Variants in PRTG observed in about 807,000 individuals in gnomAD.
PRTG encodes immunoglobulin superfamily, DCC subclass, member 5.
In PRTG, 67 loss-of-function variants were observed where a neutral mutation model predicts 122.5. The ratio of observed to expected loss-of-function variants is 0.55; its 90% confidence interval spans 0.45 to 0.67. The LOEUF (loss-of-function observed/expected upper bound fraction) is 0.67, where lower values mean the gene tolerates loss of function less well. Among genes scored for constraint, PRTG ranks in the 30% least tolerant of loss-of-function variants. The pLI is 0.00. For missense variants in PRTG, 1,435 were observed against 1,415.4 expected, an observed-to-expected ratio of 1.01 and a Z score of -0.22; for synonymous variants, 554 against 501.1, an observed-to-expected ratio of 1.11 and a Z score of -1.41.
At position 55,620,742 on chromosome 15, in the gene PRTG, C is replaced by T. The variant is rs1178234571; in HGVS notation, c.3119G>A (p.Ser1040Asn). The change falls in exon 19 of 20, where the codon AGC becomes AAC. Residue 1040 changes from serine (S) to asparagine (N), a missense_variant. By Grantham distance (46) the Ser-to-Asn change is conservative. Transcript: ENST00000389286. ...AKGGTDLIINSYGPIIKNNSK... is the reference protein window; with the variant it reads ...AKGGTDLIINNYGPIIKNNSK... ...GTTGTTTTTAATTATAGGACCATAG[C>T]TATTAATTATCAGGTCAGTTCCTCC... The T allele has an allele frequency of 1.9e-6, 3 of 1,597,276 alleles. No homozygotes were observed. The South Asian group carries it at 3.5e-5, about 18-fold the overall frequency.
chr15:55,641,463 T>C (rs1433584014), intron 11 of PRTG, among the ~76,000 whole-genome samples: 2 of 152,230 alleles, frequency 1.3e-5, no homozygotes, highest in African/African-American at 2.4e-5. Context: ...CCACTTCTTC[T>C]CCTTTCTCTC....
In PRTG at chr15:55,677,937, A is replaced by T. The variant is rs753848119; in HGVS notation, c.1241T>A (p.Met414Lys). The T allele has an allele frequency of 3.1e-6, 5 of 1,613,710 alleles. No homozygotes were observed. Among genetic ancestry groups the T allele is most frequent in the Non-Finnish European group, 4.2e-6 (5 of 1,179,786 alleles). Reference sequence around the variant, plus strand: ...GGGAGCACTGGGTCTGTCTTCTGACATCACTACAGTCAGTCTGGCTCTAGA... The same window carrying T: ...GGGAGCACTGGGTCTGTCTTCTGACTTCACTACAGTCAGTCTGGCTCTAGA... ...ILSRARLTVV[M>K]SEDRPSAPYN... Residue 414 changes from methionine (M) to lysine (K), a missense_variant, in exon 8 of 20, where the codon ATG (methionine) becomes AAG (lysine). By Grantham distance (95) the Met-to-Lys change is moderately conservative (BLOSUM62 -1). Coordinates refer to ENST00000389286, the MANE Select transcript of PRTG (RefSeq NM_173814.6).
intron 2 of PRTG, among the ~76,000 whole-genome samples, chr15:55,728,299 G>A (rs563842210): frequency 3.3e-5 from 5 of 152,216 alleles, no homozygotes; most frequent in Admixed American, 6.5e-5. Flanking sequence ...CACTATCAAA[G>A]CCAGACAGAT....
intron 11 of PRTG, among the ~76,000 whole-genome samples, chr15:55,651,113 C>T (rs2059350957): frequency 6.6e-6 from 1 of 152,156 alleles, no homozygotes; most frequent in Admixed American, 6.5e-5. Context: ...CCCTATATCA[C>T]TAATGTTTGA....
chr15:55,688,861 A>G (rs1355850796), intron 2 of PRTG, among the ~76,000 whole-genome samples: 1 of 151,856 alleles, frequency 6.6e-6, no homozygotes, highest in African/African-American at 2.4e-5. Context: ...AAACAAAGGC[A>G]CTCCAAAGTC....
rs745486454 is a variant in PRTG, at chr15:55,626,990, C to T, written c.2927+18G>A. The T allele has an allele frequency of 1.1e-5, 18 of 1,591,606 alleles. No homozygotes were observed. In the African/African-American group the frequency reaches 2.0e-4, roughly 18 times the overall value. ...TTAAATGTTTTTCACCTCAACATCT[C>T]TAGCAATGGAAACACACCTGGCTTT... On this transcript the variant is annotated intron_variant, in intron 17 of 19. Transcript: ENST00000389286.
At chr15:55,679,006 G>A (rs1367087571) in intron 7 of PRTG, among the ~76,000 whole-genome samples, 1 of 152,088 alleles carries the variant, frequency 6.6e-6, no homozygotes, top group Non-Finnish European at 1.5e-5. Flanking sequence ...CTCTAGTGGT[G>A]GCTTAATAGC....
intron 17 of PRTG, 97 bp from the exon 18 acceptor site, chr15:55,624,604 G>C (rs913293671): frequency 1.2e-6 from 1 of 860,892 alleles, no homozygotes; most frequent in South Asian, 2.2e-5. Context: ...AAGCAATGCA[G>C]TTCTTTAATA....
chr15:55,737,979 T>TCC (rs1359750459), intron 2 of PRTG, among the ~76,000 whole-genome samples: 578 of 50,052 alleles, frequency 0.012, 4 homozygotes, highest in Non-Finnish European at 0.019. Flanking sequence ...ATGCCTATTC[T>TCC]CTCTCTCTCT....
intron 11 of PRTG, among the ~76,000 whole-genome samples, chr15:55,671,862 T>C (rs367757620): frequency 1.3e-5 from 2 of 152,202 alleles, no homozygotes; most frequent in South Asian, 2.1e-4. Context: ...TGAAATTCCT[T>C]TCACTCTACA....
At chr15:55,733,171 T>C (rs1240884120) in intron 2 of PRTG, among the ~76,000 whole-genome samples, 1 of 152,084 alleles carries the variant, frequency 6.6e-6, no homozygotes, top group Non-Finnish European at 1.5e-5. Flanking sequence ...ATTGCGCCAC[T>C]GCACTCTAGC....
intron 2 of PRTG, chr15:55,738,438 C>G: frequency 2.9e-6 from 2 of 699,550 alleles, no homozygotes; most frequent in Non-Finnish European, 2.6e-6. Flanking sequence ...AATGTGTGGT[C>G]ATGACAAATG....
chr15:55,637,149 A>T, intron 15 of PRTG, 21 bp downstream of exon 15: 1 of 1,478,606 alleles, frequency 6.8e-7, no homozygotes, highest in Non-Finnish European at 9.0e-7. Context: ...TTCACCCTTC[A>T]TGGCAATTTA....
At chr15:55,732,427 T>C (rs1473610522) in intron 2 of PRTG, among the ~76,000 whole-genome samples, 1 of 151,194 alleles carries the variant, frequency 6.6e-6, no homozygotes, top group Non-Finnish European at 1.5e-5. Flanking sequence ...TCAACTGATC[T>C]ACCTGCCTCA....
rs145752960 is a variant in PRTG, at chr15:55,619,674, C to T, written c.*338G>A. 2,325 of 233,504 alleles carry T rather than the reference C, an allele frequency of 1.0e-2. 23 individuals are homozygous for T. Among genetic ancestry groups the T allele is most frequent in the Non-Finnish European group, 0.01 (1,220 of 119,662 alleles). The allele number at this position is 233,504 out of a possible 1,614,324, so 14.5% of individuals were successfully genotyped here. ...TATTTTATAATCCAGTCAAACATCT[C>T]GACCGTTCTTTCACATTGCTGACAA... On this transcript the variant is annotated 3_prime_UTR_variant, in exon 20 of 20. Coordinates refer to ENST00000389286, the MANE Select transcript of PRTG (RefSeq NM_173814.6).
intron 9 of PRTG, among the ~76,000 whole-genome samples, chr15:55,674,045 T>C (rs1037261088): frequency 4.6e-5 from 7 of 152,202 alleles, no homozygotes; most frequent in South Asian, 2.1e-4. Context: ...AAGCCTAGTA[T>C]TCTACAGTTA....
In PRTG at chr15:55,740,468, T is replaced by C. The variant is rs373423650; in HGVS notation, c.311A>G (p.Glu104Gly). ...CTGATAAAATCCTTCATCGGACTGC[T>C]CTCCTCGCCTGCCTTCCACCTCACT... ...YISEVEGRRGEQSDEGFYQCL... is the reference protein window; with the variant it reads ...YISEVEGRRGGQSDEGFYQCL... The change falls in exon 2 of 20, where the codon GAG (glutamate) becomes GGG (glycine). Residue 104 changes from glutamate (E) to glycine (G), a missense_variant. Glu to Gly is a moderately conservative substitution (Grantham distance 98). Transcript: ENST00000389286. 112 of 1,614,060 alleles carry C rather than the reference T, an allele frequency of 6.9e-5. No individual in the cohort carries two copies. The highest frequency in any genetic ancestry group is 8.8e-5 in the Non-Finnish European group (104 of 1,180,030).
chr15:55,683,761 C>A, intron 3 of PRTG, 26 bp downstream of exon 3: 8 of 1,598,388 alleles, frequency 5.0e-6, no homozygotes, highest in Non-Finnish European at 6.0e-6. Context: ...CCCATATCAT[C>A]TCCAAAGACA....
intron 2 of PRTG, among the ~76,000 whole-genome samples, chr15:55,732,227 C>G (rs1054221799): frequency 2.0e-5 from 3 of 152,194 alleles, no homozygotes; most frequent in Admixed American, 6.5e-5. Flanking sequence ...CTTACTCTGT[C>G]ACCCAGGCTA....
Sources: allele counts gnomAD v4.1 joint callset (sites outside exome capture counted in the v4.1 genomes callset), GRCh38; gene constraint gnomAD v4.1.1; transcripts MANE v1.5; gene names NCBI Gene and HGNC (gene_info 2026-07-23, HGNC 2026-07-21).